RFC3: variants seen among roughly 807,000 people sequenced by gnomAD.
RFC3 encodes replication factor C subunit 3.
RFC3 carries 41 observed loss-of-function variants against 45.1 expected under a neutral mutation model. The observed-to-expected ratio is 0.91, with a 90% confidence interval of 0.71 to 1.18. The LOEUF (loss-of-function observed/expected upper bound fraction) is 1.18, where lower values mean the gene tolerates loss of function less well. Ranked by LOEUF, RFC3 falls within the 50% of genes most tolerant of loss-of-function variation. The pLI, the probability that RFC3 is intolerant of heterozygous loss-of-function variation, is 0.00. For synonymous variants in RFC3, 149 were observed against 144.0 expected, an observed-to-expected ratio of 1.03 and a Z score of -0.25; for missense variants, 423 against 428.1, an observed-to-expected ratio of 0.99 and a Z score of 0.10.
downstream of RFC3, among the ~76,000 whole-genome samples, chr13:33,968,338 G>A (rs552721540): frequency 6.6e-6 from 1 of 152,266 alleles, no homozygotes; most frequent in East Asian, 1.9e-4. Flanking sequence ...ATGTTGGCCA[G>A]GCTGGTCTCA....
At position 33,831,284 on chromosome 13, in the gene RFC3, C is replaced by G. The variant is rs2082101393; in HGVS notation, c.739C>G (p.Pro247Ala). ...TCCTTTTACTGCAGATCAAGAAATC[C>G]CTGAGACAGATTGGGAGGTGTATCT... ...QYPFTADQEI[P>A]ETDWEVYLRE... Residue 247 changes from proline (P) to alanine (A), a missense_variant, in exon 7 of 9, where the codon CCT (proline) becomes GCT (alanine). By Grantham distance (27) the Pro-to-Ala change is conservative. Transcript: ENST00000380071. 1 of 1,609,222 alleles carries G rather than the reference C, an allele frequency of 6.2e-7. No individual in the cohort carries two copies. The highest frequency in any genetic ancestry group is 1.7e-5 in the Admixed American group (1 of 59,952).
chr13:33,970,681 A>T (rs1175426805), downstream of RFC3, among the ~76,000 whole-genome samples: 1 of 152,222 alleles, frequency 6.6e-6, no homozygotes, highest in East Asian at 1.9e-4. Flanking sequence ...ATAAATTCTT[A>T]CTGTATGTAA....
chr13:33,943,336 T>G lies in RFC3; in HGVS notation c.880-22751T>G, dbSNP rs115818715. Among the ~76,000 whole-genome samples, 539 of 152,344 alleles carry G rather than the reference T, an allele frequency of 3.5e-3. 6 individuals are homozygous for G. Among genetic ancestry groups the G allele is most frequent in the African/African-American group, 0.012 (516 of 41,576 alleles). ...AGGAAATAGAAGCCTGTACTAGTTT[T>G]CTGTTGCTGCTTAATAGATTACCAC... On this transcript the variant is annotated intron_variant, in intron 8 of 8. Coordinates refer to the RFC3 transcript ENST00000434425.
At chr13:33,903,721 T>A (rs2082655419) in intron 8 of RFC3, among the ~76,000 whole-genome samples, 1 of 152,084 alleles carries the variant, frequency 6.6e-6, no homozygotes, top group South Asian at 2.1e-4. Flanking sequence ...TGGAGCCTTA[T>A]TAGTTAGGTT....
Position 33,826,086 on chromosome 13 carries a change from C to T in RFC3, c.391+200C>T, listed in dbSNP as rs1886533. 2.9e-4 allele frequency among the ~76,000 whole-genome samples: 44 copies of T among 152,042 alleles called. 1 individual carries two copies. Among genetic ancestry groups the T allele is most frequent in the Admixed American group, 5.9e-4 (9 of 15,276 alleles). ...TTTTAGAACAAGATGAATAAAAATA[C>T]GTGATTTAAAATCAGAAATTACATG... On this transcript the variant is annotated intron_variant, in intron 4 of 8. Transcript: ENST00000380071.
intron 8 of RFC3, among the ~76,000 whole-genome samples, chr13:33,902,795 T>C (rs1215245409): frequency 6.6e-6 from 1 of 151,976 alleles, no homozygotes; most frequent in Non-Finnish European, 1.5e-5. Context: ...AAGAGGTAAA[T>C]TAGATCCTGT....
intron 8 of RFC3, among the ~76,000 whole-genome samples, chr13:33,889,773 A>G (rs1277080493): frequency 6.6e-6 from 1 of 152,138 alleles, no homozygotes; most frequent in African/African-American, 2.4e-5. Flanking sequence ...TATGACAGCA[A>G]CCTTTTTAGA....
intron 8 of RFC3, among the ~76,000 whole-genome samples, chr13:33,892,055 G>A (rs1421521977): frequency 6.6e-6 from 1 of 152,100 alleles, no homozygotes; most frequent in East Asian, 1.9e-4. Context: ...AAACAATTTG[G>A]TCAGATAACT....
downstream of RFC3, among the ~76,000 whole-genome samples, chr13:33,839,479 G>A (rs1026320407): frequency 6.6e-6 from 1 of 152,208 alleles, no homozygotes; most frequent in Non-Finnish European, 1.5e-5. Context: ...GTATCACTAG[G>A]CATAGAGGGT....
intron 8 of RFC3, among the ~76,000 whole-genome samples, chr13:33,945,576 G>A (rs1181965163): frequency 3.3e-5 from 5 of 152,154 alleles, no homozygotes; most frequent in Non-Finnish European, 5.9e-5. Context: ...AGTTGAGTCA[G>A]TGAGGCATTA....
chr13:33,921,815 C>T (rs78669093), intron 8 of RFC3, among the ~76,000 whole-genome samples: 124 of 152,226 alleles, frequency 8.1e-4, no homozygotes, highest in African/African-American at 2.7e-3. Context: ...GTTGCTCATT[C>T]AAATGCCAAG....
chr13:33,889,293 G>A (rs1339894963), intron 8 of RFC3, among the ~76,000 whole-genome samples: 1 of 152,162 alleles, frequency 6.6e-6, no homozygotes, highest in Non-Finnish European at 1.5e-5. Flanking sequence ...CAACAGGGCT[G>A]GGCTAGTTTT....
intron 8 of RFC3, among the ~76,000 whole-genome samples, chr13:33,947,231 A>ATGC (rs2082960001): frequency 6.6e-6 from 1 of 152,116 alleles, no homozygotes; most frequent in African/African-American, 2.4e-5. Context: ...GATTTCCCCT[A>ATGC]TGCTGTTCTC....
chr13:33,886,237 T>C (rs924614465), intron 8 of RFC3, among the ~76,000 whole-genome samples: 7 of 152,084 alleles, frequency 4.6e-5, no homozygotes, highest in Non-Finnish European at 1.0e-4. Flanking sequence ...AGAACCACTT[T>C]TTTCTAGATT....
intron 8 of RFC3, among the ~76,000 whole-genome samples, chr13:33,872,728 CCT>C (rs2082418839): frequency 6.6e-6 from 1 of 150,462 alleles, no homozygotes; most frequent in Non-Finnish European, 1.5e-5. Flanking sequence ...AGTGAAACTA[CCT>C]CTCAATAACA....
At chr13:33,917,398 C>A (rs1196598553) in intron 8 of RFC3, among the ~76,000 whole-genome samples, 1 of 152,156 alleles carries the variant, frequency 6.6e-6, no homozygotes, top group Non-Finnish European at 1.5e-5. Flanking sequence ...GGAATCTCAG[C>A]AGCATCCTTT....
intron 8 of RFC3, among the ~76,000 whole-genome samples, chr13:33,866,294 A>G (rs77526361): frequency 5.1e-4 from 77 of 152,312 alleles, no homozygotes; most frequent in African/African-American, 1.8e-3. Context: ...TGCAGGGGCA[A>G]TGGTCTCATA....
intron 1 of RFC3, among the ~76,000 whole-genome samples, chr13:33,819,683 C>T (rs1593601129): frequency 6.6e-6 from 1 of 151,922 alleles, no homozygotes; most frequent in Non-Finnish European, 1.5e-5. Context: ...CTTCAGTTTT[C>T]CTAGTGATAG....
At chr13:33,928,966 A>G (rs554132749) in intron 8 of RFC3, among the ~76,000 whole-genome samples, 1 of 152,282 alleles carries the variant, frequency 6.6e-6, no homozygotes, top group South Asian at 2.1e-4. Flanking sequence ...TTTCTACAGT[A>G]TTATGCCAAA....
Sources: allele counts gnomAD v4.1 joint callset (sites outside exome capture counted in the v4.1 genomes callset), GRCh38; gene constraint gnomAD v4.1.1; transcripts MANE v1.5; gene names NCBI Gene and HGNC (gene_info 2026-07-23, HGNC 2026-07-21).